The following ATF7IP variants were observed in gnomAD, a reference collection of about 807,000 sequenced individuals.
The protein encoded by ATF7IP is activating transcription factor 7-interacting protein 1.
In ATF7IP, 23 loss-of-function variants were observed where a neutral mutation model predicts 106.4. The observed-to-expected ratio is 0.22, with a 90% confidence interval of 0.16 to 0.31. ATF7IP has a LOEUF of 0.31. ATF7IP is among the 10% of genes least tolerant of loss of function. ATF7IP has a pLI of 1.00. For synonymous variants in ATF7IP, 542 were observed against 539.0 expected, an observed-to-expected ratio of 1.01 and a Z score of -0.08; for missense variants, 1,334 against 1,524.3, an observed-to-expected ratio of 0.88 and a Z score of 2.08.
chr12:14,496,213 T>G lies in ATF7IP; in HGVS notation c.3281-18T>G, dbSNP rs189149102. The stretch of plus-strand genomic sequence containing the variant: ...TAGAATTATCATTTTATCCTGTAAT[T>G]TTTTTGTTTGTTTGTAGGTGTTACA... On this transcript the variant is annotated intron_variant, in intron 13 of 14. Coordinates refer to ENST00000261168, the MANE Select transcript of ATF7IP (RefSeq NM_018179.5). The G allele has an allele frequency of 2.2e-3, 3,266 of 1,483,386 alleles. 6 individuals are homozygous for G. The highest frequency in any genetic ancestry group is 2.9e-3 in the Non-Finnish European group (3,118 of 1,063,980). The allele number at this position is 1,483,386 out of a possible 1,614,324, so 91.9% of individuals were successfully genotyped here. A position where few individuals can be genotyped will look rare whatever the true frequency, so the allele number is the denominator to read the frequency against.
At chr12:14,457,367 C>A in intron 8 of ATF7IP, 72 bp downstream of exon 8, 1 of 1,138,024 alleles carries the variant, frequency 8.8e-7, no homozygotes, top group Non-Finnish European at 1.2e-6. Flanking sequence ...TTCTTACATT[C>A]TTTTGAGGTT....
intron 6 of ATF7IP, among the ~76,000 whole-genome samples, chr12:14,447,729 T>C (rs758550003): frequency 1.3e-5 from 2 of 152,216 alleles, no homozygotes; most frequent in African/African-American, 2.4e-5. Context: ...TATTTTAGTA[T>C]TCTACTGCCT....
chr12:14,476,199 G>A, intron 11 of ATF7IP: 1 of 385,006 alleles, frequency 2.6e-6, no homozygotes. Flanking sequence ...GAGGCAAGAG[G>A]TCAGGAGTTT....
At chr12:14,479,458 T>C (rs1198881710) in intron 12 of ATF7IP, among the ~76,000 whole-genome samples, 1 of 152,166 alleles carries the variant, frequency 6.6e-6, no homozygotes, top group Non-Finnish European at 1.5e-5. Flanking sequence ...AAGATTTATC[T>C]GCACAGTACT....
At chr12:14,392,582 T>G (rs1939620043) in intron 1 of ATF7IP, among the ~76,000 whole-genome samples, 1 of 152,202 alleles carries the variant, frequency 6.6e-6, no homozygotes, top group South Asian at 2.1e-4. Context: ...ATCCTTGCTC[T>G]CTCTCAGGGA....
At chr12:14,390,489 C>T (rs986036304) in intron 1 of ATF7IP, among the ~76,000 whole-genome samples, 7 of 152,058 alleles carry the variant, frequency 4.6e-5, no homozygotes, top group East Asian at 1.9e-4. Flanking sequence ...TAAATGTTAC[C>T]GCTGTGTTAA....
intron 2 of ATF7IP, among the ~76,000 whole-genome samples, chr12:14,431,025 A>G (rs1008900313): frequency 5.3e-5 from 8 of 152,238 alleles, no homozygotes; most frequent in African/African-American, 1.9e-4. Flanking sequence ...ATTTTTCCTT[A>G]GAATAAAGTT....
At chr12:14,383,081 G>T (rs1298220274) in intron 1 of ATF7IP, among the ~76,000 whole-genome samples, 3 of 152,170 alleles carry the variant, frequency 2.0e-5, no homozygotes, top group Non-Finnish European at 4.4e-5. Context: ...CAGAACCAAT[G>T]TGTGAAGGGA....
At chr12:14,473,677 A>G (rs1014505472) in intron 10 of ATF7IP, among the ~76,000 whole-genome samples, 31 of 152,114 alleles carry the variant, frequency 2.0e-4, no homozygotes, top group African/African-American at 7.0e-4. Context: ...AATGTCCTTA[A>G]GCTCATCTTT....
intron 13 of ATF7IP, among the ~76,000 whole-genome samples, chr12:14,491,298 C>G (rs142079629): frequency 2.4e-4 from 37 of 152,286 alleles, no homozygotes; most frequent in African/African-American, 7.0e-4. Context: ...CCAAATAGGT[C>G]CACTAGACGT....
chr12:14,399,140 C>T (rs2136457368), intron 1 of ATF7IP, among the ~76,000 whole-genome samples: 1 of 152,166 alleles, frequency 6.6e-6, no homozygotes, highest in Admixed American at 6.5e-5. Flanking sequence ...TGCTAATTTC[C>T]TTATCTGAAT....
intron 7 of ATF7IP, among the ~76,000 whole-genome samples, chr12:14,456,984 A>G (rs1017119455): frequency 1.3e-5 from 2 of 152,242 alleles, no homozygotes; most frequent in African/African-American, 4.8e-5. Flanking sequence ...GATAACAGAC[A>G]TTAGAATACA....
intron 1 of ATF7IP, among the ~76,000 whole-genome samples, chr12:14,401,972 A>C (rs546921647): frequency 2.0e-5 from 3 of 151,814 alleles, no homozygotes; most frequent in East Asian, 1.9e-4. Context: ...TCGGCCTCCA[A>C]AAGTGCTGGG....
chr12:14,386,154 T>C (rs1939228263), intron 1 of ATF7IP, among the ~76,000 whole-genome samples: 1 of 152,146 alleles, frequency 6.6e-6, no homozygotes, highest in Non-Finnish European at 1.5e-5. Flanking sequence ...ATATTTTCAT[T>C]TTAGTCTTAA....
At chr12:14,456,932 T>C (rs1247639626) in intron 7 of ATF7IP, among the ~76,000 whole-genome samples, 2 of 152,246 alleles carry the variant, frequency 1.3e-5, no homozygotes, top group African/African-American at 4.8e-5. Context: ...GACTAATGTC[T>C]GTATATATTA....
chr12:14,399,886 G>A (rs770471793), intron 1 of ATF7IP, among the ~76,000 whole-genome samples: 2 of 152,140 alleles, frequency 1.3e-5, no homozygotes, highest in Non-Finnish European at 2.9e-5. Context: ...GGATGCTGAT[G>A]GTTCAGGTGA....
At chr12:14,487,769 T>C (rs1944672126) in intron 13 of ATF7IP, among the ~76,000 whole-genome samples, 1 of 152,196 alleles carries the variant, frequency 6.6e-6, no homozygotes, top group Non-Finnish European at 1.5e-5. Flanking sequence ...GCTCAGTATT[T>C]GCTTCAGAAG....
chr12:14,400,335 A>G (rs1055658171), intron 1 of ATF7IP, among the ~76,000 whole-genome samples: 8 of 152,192 alleles, frequency 5.3e-5, no homozygotes, highest in African/African-American at 1.9e-4. Flanking sequence ...TACAGTATCT[A>G]AGTACTTTCT....
At chr12:14,491,168 C>T (rs115250608) in intron 13 of ATF7IP, among the ~76,000 whole-genome samples, 31 of 152,276 alleles carry the variant, frequency 2.0e-4, no homozygotes, top group East Asian at 5.8e-4. Context: ...CCCAGTAGCA[C>T]GGACCTGCTG....
Sources: allele counts gnomAD v4.1 joint callset (sites outside exome capture counted in the v4.1 genomes callset), GRCh38; gene constraint gnomAD v4.1.1; transcripts MANE v1.5; gene names NCBI Gene and HGNC (gene_info 2026-07-23, HGNC 2026-07-21).